The following FGF13 variants were observed in gnomAD, a reference collection of about 807,000 sequenced individuals.
The protein encoded by FGF13 is fibroblast growth factor 13.
In FGF13, 2 loss-of-function variants were observed where a neutral mutation model predicts 19.5. The observed-to-expected ratio is 0.10, with a 90% CI of 0.04 to 0.32. FGF13 has a LOEUF of 0.32. Among genes scored for constraint, FGF13 ranks in the 10% least tolerant of loss-of-function variants. The pLI, the probability that FGF13 is intolerant of heterozygous loss-of-function variation, is 1.00. For missense variants in FGF13, 113 were observed against 192.7 expected (o/e 0.59, Z 2.45); for synonymous variants, 72 against 76.9 (o/e 0.94, Z 0.33).
At chrX:138,829,257 T>C (rs1022394910) in intron 3 of FGF13, among the ~76,000 whole-genome samples, 2 of 111,630 alleles carry the variant, frequency 1.8e-5, no homozygotes, top group Non-Finnish European at 3.8e-5. Context: ...AGTATGGTGG[T>C]GTTGTAAGAT....
intron 1 of FGF13, among the ~76,000 whole-genome samples, chrX:139,104,098 T>C (rs1195032264): frequency 9.0e-6 from 1 of 111,490 alleles, no homozygotes; most frequent in Non-Finnish European, 1.9e-5. Flanking sequence ...AATTGGATGA[T>C]AAAAATGTAT....
At chrX:138,697,365 G>C (rs1327412510) in intron 3 of FGF13, among the ~76,000 whole-genome samples, 2 of 110,388 alleles carry the variant, frequency 1.8e-5, no homozygotes, top group Non-Finnish European at 3.8e-5. Context: ...CCTTAGTTCA[G>C]ATTGCAATCT....
At chrX:139,074,146 T>C (rs1760620330) in intron 1 of FGF13, among the ~76,000 whole-genome samples, 1 of 112,059 alleles carries the variant, frequency 8.9e-6, no homozygotes. Flanking sequence ...AGGAATAACA[T>C]GTGTGGTGGC....
chrX:138,946,675 A>C (rs1288001610), intron 1 of FGF13, among the ~76,000 whole-genome samples: 2 of 112,173 alleles, frequency 1.8e-5, no homozygotes, highest in Admixed American at 9.5e-5. Context: ...AAGCATTGCT[A>C]TTATCAACAC....
At chrX:138,715,621 G>C (rs1472839567), upstream of FGF13, among the ~76,000 whole-genome samples, 1 of 111,916 alleles carries the variant, frequency 8.9e-6, no homozygotes, top group Non-Finnish European at 1.9e-5. Flanking sequence ...AGTCCTTTTG[G>C]CTCTGGGAGC....
intron 1 of FGF13, among the ~76,000 whole-genome samples, chrX:139,177,676 G>A (rs910728386): frequency 9.0e-6 from 1 of 111,398 alleles, no homozygotes; most frequent in African/African-American, 3.3e-5. Context: ...CATGGGGGTG[G>A]GATCCGGGCA....
At chrX:138,923,852 C>T (rs1437563491) in intron 1 of FGF13, among the ~76,000 whole-genome samples, 1 of 111,624 alleles carries the variant, frequency 9.0e-6, no homozygotes, top group Non-Finnish European at 1.9e-5. Flanking sequence ...TCTCATCATC[C>T]ATGTGTTAGC....
At chrX:138,669,106 A>G (rs1288455304) in intron 3 of FGF13, among the ~76,000 whole-genome samples, 2 of 110,948 alleles carry the variant, frequency 1.8e-5, no homozygotes, top group African/African-American at 6.5e-5. Flanking sequence ...CTTAGGAGGG[A>G]CTTTTTAGGA....
rs183527812 is a variant in FGF13 at position 138,883,652 on chromosome X, T to C, written c.-112-19002A>G. Among the ~76,000 whole-genome samples the C allele has an allele frequency of 1.6e-4, 18 of 111,502 alleles. No individual in the cohort carries two copies. In the East Asian group the frequency reaches 3.4e-3, roughly 21 times the overall value. On this transcript the variant is annotated intron_variant, in intron 1 of 2. Transcript: ENST00000421460. ...CAAATATGCTAGCAGATAACAGAGA[T>C]AGACAAAGAAATAGGTGTCTTACAT...
intron 1 of FGF13, among the ~76,000 whole-genome samples, chrX:138,983,796 G>A (rs1187934067): frequency 9.0e-6 from 1 of 111,313 alleles, no homozygotes; most frequent in Non-Finnish European, 1.9e-5. Flanking sequence ...ATTGATAAAT[G>A]AATGAATACA....
chrX:138,947,362 T>C (rs2091786804), intron 1 of FGF13, among the ~76,000 whole-genome samples: 1 of 111,886 alleles, frequency 8.9e-6, no homozygotes, highest in African/African-American at 3.2e-5. Context: ...GTCAGACAGA[T>C]TTATATTCAA....
chrX:138,784,262 G>A (rs1014792933), intron 3 of FGF13, among the ~76,000 whole-genome samples: 9 of 100,376 alleles, frequency 9.0e-5, no homozygotes, highest in Non-Finnish European at 1.6e-4. Flanking sequence ...ACATGTATAC[G>A]TATGTAACTA....
At chrX:138,764,292 G>A (rs1325004515) in intron 3 of FGF13, among the ~76,000 whole-genome samples, 1 of 112,333 alleles carries the variant, frequency 8.9e-6, no homozygotes, top group Admixed American at 9.5e-5. Context: ...TACTCTAGCT[G>A]AATAAAATCA....
intron 3 of FGF13, among the ~76,000 whole-genome samples, chrX:138,763,595 C>G (rs1434026780): frequency 8.9e-6 from 1 of 112,131 alleles, no homozygotes; most frequent in Non-Finnish European, 1.9e-5. Flanking sequence ...TAATTAGCAT[C>G]TTCATGCACA....
chrX:138,810,865 C>T (rs2090916873), intron 3 of FGF13, among the ~76,000 whole-genome samples: 1 of 111,926 alleles, frequency 8.9e-6, no homozygotes, highest in East Asian at 2.8e-4. Flanking sequence ...CACTGGCCAT[C>T]AGAGAAATGC....
rs7062808 is a variant in FGF13 at position 139,071,023 on chromosome X, A to G, written c.-113+132393T>C. 4.8e-3 allele frequency among the ~76,000 whole-genome samples: 527 copies of G among 109,992 alleles called. 2 individuals carry two copies. Among genetic ancestry groups the G allele is most frequent in the African/African-American group, 0.017 (502 of 30,208 alleles). Reference sequence around the variant, plus strand: ...AGGGATAGCATTAGGAGAACTACCCAATGTAGATGACGAGTTGATGAGTGC... The same window carrying G: ...AGGGATAGCATTAGGAGAACTACCCGATGTAGATGACGAGTTGATGAGTGC... On this transcript the variant is annotated intron_variant, in intron 1 of 2. Transcript: ENST00000421460.
At chrX:139,164,688 C>CAAATAAAT (rs778262336) in intron 1 of FGF13, among the ~76,000 whole-genome samples, 26,514 of 92,280 alleles carry the variant, frequency 0.29, 3,506 homozygotes, top group African/African-American at 0.37. Flanking sequence ...GACCTTGTCT[C>CAAATAAAT]AAATAAATAA....
chrX:139,065,298 A>T (rs1400176787), intron 1 of FGF13, among the ~76,000 whole-genome samples: 1 of 110,404 alleles, frequency 9.1e-6, no homozygotes, highest in East Asian at 2.9e-4. Context: ...AAATTCACAC[A>T]TAACAATATT....
chrX:138,892,051 C>T (rs1171978951), intron 1 of FGF13, among the ~76,000 whole-genome samples: 3 of 103,496 alleles, frequency 2.9e-5, no homozygotes, highest in African/African-American at 1.2e-4. Context: ...CCTACTAGTT[C>T]TGTCCCTCTA....
Sources: allele counts gnomAD v4.1 joint callset (sites outside exome capture counted in the v4.1 genomes callset), GRCh38; gene constraint gnomAD v4.1.1; transcripts MANE v1.5; gene names NCBI Gene and HGNC (gene_info 2026-07-23, HGNC 2026-07-21).